Variants in NEK11 observed in about 807,000 individuals in gnomAD.
NEK11 encodes NIMA related kinase 11, also known as serine/threonine-protein kinase Nek11.
Under a neutral mutation model 80.7 loss-of-function variants are expected in NEK11, and 72 were observed. That is an observed-to-expected ratio of 0.89 (90% CI 0.74 to 1.08). The LOEUF is 1.08. NEK11 is among the 50% of genes least tolerant of loss of function. The pLI, the probability that NEK11 is intolerant of heterozygous loss-of-function variation, is 0.00. For missense variants in NEK11, 764 were observed against 763.6 expected (o/e 1.00, Z -0.01); for synonymous variants, 251 against 260.7 (o/e 0.96, Z 0.36).
intron 14 of NEK11, among the ~76,000 whole-genome samples, chr3:131,220,944 CAT>C (rs1319489086): frequency 5.3e-5 from 8 of 152,084 alleles, no homozygotes; most frequent in African/African-American, 1.9e-4. Context: ...GGTATGACTA[CAT>C]CTGAGATATA....
At chr3:131,050,533 A>C (rs1030107109) in intron 3 of NEK11, among the ~76,000 whole-genome samples, 2 of 152,264 alleles carry the variant, frequency 1.3e-5, no homozygotes, top group Non-Finnish European at 2.9e-5. Flanking sequence ...CTTAGGAGGT[A>C]GACAAGGACA....
chr3:131,199,574 G>T (rs988486258), intron 14 of NEK11, among the ~76,000 whole-genome samples: 2 of 151,558 alleles, frequency 1.3e-5, no homozygotes, highest in Non-Finnish European at 2.9e-5. Flanking sequence ...AGAACTCTCT[G>T]GGTGTTGAGA....
chr3:131,042,900 G>A (rs542729691), intron 3 of NEK11, among the ~76,000 whole-genome samples: 2 of 152,290 alleles, frequency 1.3e-5, no homozygotes, highest in East Asian at 3.9e-4. Flanking sequence ...CTGGGATGAG[G>A]CTTCCAGAGG....
intron 14 of NEK11, among the ~76,000 whole-genome samples, chr3:131,222,185 A>G (rs1339961552): frequency 2.0e-5 from 3 of 152,202 alleles, no homozygotes; most frequent in Non-Finnish European, 4.4e-5. Flanking sequence ...AACTAACCAT[A>G]AATAGACTTA....
chr3:131,222,593 G>A (rs1388238626), intron 14 of NEK11, among the ~76,000 whole-genome samples: 1 of 152,146 alleles, frequency 6.6e-6, no homozygotes, highest in African/African-American at 2.4e-5. Context: ...TTACGTTTAT[G>A]TTTTGTCTTT....
chr3:131,238,508 C>T (rs1341334292), intron 15 of NEK11, among the ~76,000 whole-genome samples: 2 of 152,024 alleles, frequency 1.3e-5, no homozygotes, highest in African/African-American at 2.4e-5. Context: ...GAAGTAAGAG[C>T]AACTAGAAAA....
chr3:131,098,488 A>G (rs535716982), intron 4 of NEK11, among the ~76,000 whole-genome samples: 25 of 151,972 alleles, frequency 1.6e-4, no homozygotes, highest in African/African-American at 5.3e-4. Context: ...CATTTCTCTG[A>G]TGATTAGTGA....
In NEK11 at chr3:131,152,666, C is replaced by G. The variant is rs1365953820; in HGVS notation, c.833C>G (p.Ala278Gly). ...AAGAATCCTTCATTAAGACCATCTG[C>G]TATCGAAATTTTAAAAATCCCTTAC... ...LNKNPSLRPS[A>G]IEILKIPYLD... Residue 278 changes from alanine to glycine, a missense_variant, in exon 9 of 18, where the codon GCT becomes GGT. Physicochemically the swap from Ala to Gly is moderately conservative, Grantham distance 60. Coordinates refer to ENST00000383366, the MANE Select transcript of NEK11 (RefSeq NM_024800.5). The G allele has an allele frequency of 1.1e-5, 18 of 1,613,686 alleles. No homozygotes were observed. The highest frequency in any genetic ancestry group is 1.5e-5 in the Non-Finnish European group (18 of 1,179,802).
chr3:131,330,316 T>A (rs137911356), intron 17 of NEK11: 1 of 152,180 alleles, frequency 6.6e-6, no homozygotes, highest in African/African-American at 2.4e-5. Flanking sequence ...CTAAGATTAT[T>A]ACCTACTAGA....
At chr3:131,280,057 G>C (rs1294046307) in intron 17 of NEK11, among the ~76,000 whole-genome samples, 1 of 152,152 alleles carries the variant, frequency 6.6e-6, no homozygotes, top group Non-Finnish European at 1.5e-5. Flanking sequence ...GAGATTTCTA[G>C]GGATCAGATC....
intron 14 of NEK11, among the ~76,000 whole-genome samples, chr3:131,208,323 A>G (rs987939252): frequency 2.1e-4 from 32 of 152,180 alleles, no homozygotes; most frequent in South Asian, 1.7e-3. Flanking sequence ...AATGATCTAT[A>G]TCTCTGTTTT....
chr3:131,178,477 A>G (rs1200935205), intron 14 of NEK11, among the ~76,000 whole-genome samples: 1 of 152,198 alleles, frequency 6.6e-6, no homozygotes, highest in Non-Finnish European at 1.5e-5. Context: ...TATTTTTAAC[A>G]TTAATTCTTT....
At chr3:131,076,316 AG>A (rs1328007332) in intron 3 of NEK11, among the ~76,000 whole-genome samples, 1 of 152,238 alleles carries the variant, frequency 6.6e-6, no homozygotes, top group Non-Finnish European at 1.5e-5. Flanking sequence ...AAATACATGT[AG>A]CAAAAAGATT....
chr3:131,265,489 T>G (rs2096033295), intron 16 of NEK11, among the ~76,000 whole-genome samples: 1 of 152,174 alleles, frequency 6.6e-6, no homozygotes, highest in Admixed American at 6.5e-5. Flanking sequence ...GTTTTTGTCA[T>G]TTGTTCTGTT....
intron 4 of NEK11, among the ~76,000 whole-genome samples, chr3:131,096,929 C>T (rs9680902): frequency 0.19 from 25,488 of 133,030 alleles, 2,412 homozygotes; most frequent in Middle Eastern, 0.25. Flanking sequence ...TGTTCCCCTT[C>T]CTGTGTCCAT....
At chr3:131,195,677 C>T (rs2093975669) in intron 14 of NEK11, among the ~76,000 whole-genome samples, 1 of 151,776 alleles carries the variant, frequency 6.6e-6, no homozygotes, top group African/African-American at 2.4e-5. Flanking sequence ...TGAAGGTGGT[C>T]CCCGGAGTTG....
chr3:131,323,463 CTCTT>C (rs2096918788), intron 17 of NEK11, among the ~76,000 whole-genome samples: 2 of 150,276 alleles, frequency 1.3e-5, no homozygotes. Context: ...CCTTCCTGGT[CTCTT>C]TCTATCTATC....
At chr3:131,101,073 T>A (rs1292241878) in intron 4 of NEK11, among the ~76,000 whole-genome samples, 1 of 152,114 alleles carries the variant, frequency 6.6e-6, no homozygotes, top group Admixed American at 6.6e-5. Context: ...TCTATGGGAT[T>A]GGTTGTAATA....
At chr3:131,251,530 C>A (rs933247917) in intron 16 of NEK11, among the ~76,000 whole-genome samples, 3 of 152,028 alleles carry the variant, frequency 2.0e-5, no homozygotes, top group Non-Finnish European at 4.4e-5. Flanking sequence ...AATACATATA[C>A]CCTGAAGTTA....
Sources: gnomAD v4.1 joint callset for allele counts (sites outside exome capture counted in the v4.1 genomes callset) on GRCh38, gnomAD v4.1.1 for gene constraint, MANE v1.5 for transcripts, NCBI Gene and HGNC (gene_info 2026-07-23, HGNC 2026-07-21) for gene names.